Variants in ERI2 observed in about 807,000 individuals in gnomAD.
ERI2 encodes ERI1 exoribonuclease family member 2, also known as ERI1 exoribonuclease 2.
Under a neutral mutation model 46.8 loss-of-function variants are expected in ERI2, and 35 were observed. The observed-to-expected ratio is 0.75, with a 90% confidence interval of 0.57 to 0.99. ERI2 has a LOEUF of 0.99. Among genes scored for constraint, ERI2 ranks in the 50% least tolerant of loss-of-function variants. The pLI is 0.00. For missense variants in ERI2, 695 were observed against 796.2 expected (o/e 0.87, Z 1.53); for synonymous variants, 224 against 271.0 (o/e 0.83, Z 1.70).
At chr16:20,800,510 G>T in intron 5 of ERI2, 108 bp from the exon 6 acceptor site, 1 of 587,244 alleles carries the variant, frequency 1.7e-6, no homozygotes, top group Non-Finnish European at 3.0e-6. Context: ...AAATAGAACA[G>T]TATGATTTCA....
chr16:20,786,294 A>G (rs1417676173), intron 10 of ERI2: 18 of 1,402,462 alleles, frequency 1.3e-5, no homozygotes, highest in Non-Finnish European at 1.7e-5. Context: ...ATTTTTATAA[A>G]TATGTGAAAA....
chr16:20,782,613 G>A (rs2080377485), intron 10 of ERI2, among the ~76,000 whole-genome samples: 1 of 152,122 alleles, frequency 6.6e-6, no homozygotes, highest in African/African-American at 2.4e-5. Context: ...TCTCCGTGGA[G>A]GCAGCATCAT....
Position 20,806,442 on chromosome 16 carries a change from C to T in ERI2, c.-12G>A, listed in dbSNP as rs2080875564. On this transcript the variant is annotated 5_prime_UTR_variant, in exon 1 of 9. Coordinates refer to ENST00000357967, the MANE Select transcript of ERI2 (RefSeq NM_001142725.2). ...CGCTTGGTCGCCATTCCCGACACTC[C>T]TTGCTTTTCCAAGTCCAGCTGCCGG... The T allele has an allele frequency of 6.4e-7, 1 of 1,553,250 alleles. No individual in the cohort carries two copies. The highest frequency in any genetic ancestry group is 8.7e-7 in the Non-Finnish European group (1 of 1,148,122).
At chr16:20,786,296 A>C in intron 10 of ERI2, 1 of 1,400,074 alleles carries the variant, frequency 7.1e-7, no homozygotes, top group Non-Finnish European at 9.4e-7. Flanking sequence ...TTTTATAAAT[A>C]TGTGAAAATG....
intron 10 of ERI2, chr16:20,780,934 A>G (rs760814889): frequency 3.7e-6 from 6 of 1,612,254 alleles, no homozygotes; most frequent in Non-Finnish European, 2.5e-6. Flanking sequence ...TTTTATATTT[A>G]TTTTCCTATG....
intron 10 of ERI2, among the ~76,000 whole-genome samples, chr16:20,781,975 C>T (rs1216153307): frequency 6.6e-6 from 1 of 152,156 alleles, no homozygotes; most frequent in African/African-American, 2.4e-5. Flanking sequence ...AGGGCAAGAT[C>T]CCCCAAACAA....
rs145512592 is a variant in ERI2 at position 20,805,154 on chromosome 16, C to T, written c.23+1254G>A. On this transcript the variant is annotated intron_variant, in intron 1 of 8. Transcript: ENST00000357967. ...TTAAAAGGATCACTAGGCCAGGCAC[C>T]GTGGCTCACACCTGTAACCCCAGCA... Among the ~76,000 whole-genome samples, 794 of 152,086 alleles carry T rather than the reference C, an allele frequency of 5.2e-3. 4 individuals are homozygous for T. Among genetic ancestry groups the T allele is most frequent in the Non-Finnish European group, 7.5e-3 (512 of 67,970 alleles).
intron 5 of ERI2, chr16:20,800,662 G>A: frequency 3.5e-6 from 1 of 288,516 alleles, no homozygotes; most frequent in Non-Finnish European, 6.4e-6. Context: ...TAAATTACAA[G>A]GACTATATTT....
chr16:20,803,579 A>G, intron 2 of ERI2, 24 bp downstream of exon 2: 1 of 1,614,132 alleles, frequency 6.2e-7, no homozygotes, highest in Non-Finnish European at 8.5e-7. Flanking sequence ...TACAAAATGC[A>G]AAGAAACTAA....
intron 10 of ERI2, among the ~76,000 whole-genome samples, chr16:20,785,721 A>G (rs2080458311): frequency 6.6e-6 from 1 of 152,220 alleles, no homozygotes; most frequent in East Asian, 1.9e-4. Context: ...TAATGCTTCA[A>G]TTTATGAACC....
intron 1 of ERI2, chr16:20,805,682 C>T (rs965490410): frequency 3.4e-5 from 6 of 174,838 alleles, no homozygotes; most frequent in Admixed American, 1.9e-4. Context: ...AGGTCATAGC[C>T]TGTTCCTCTT....
In ERI2 at chr16:20,803,370, G is replaced by C. The variant is rs1353407687; in HGVS notation, c.175+63C>G. ...TTTTCTTAAACTTTTGGCTGATTCA[G>C]ATCTATAAACTTTAAAGTGACTCAT... is the stretch of plus-strand genomic sequence containing the variant. On this transcript the variant is annotated intron_variant, in intron 3 of 8. Transcript: ENST00000357967. 3 of 1,539,944 alleles carry C rather than the reference G, an allele frequency of 1.9e-6. No individual in the cohort carries two copies. In the African/African-American group the frequency reaches 4.1e-5, roughly 21 times the overall value.
chr16:20,786,085 T>G, intron 10 of ERI2: 1 of 1,591,450 alleles, frequency 6.3e-7, no homozygotes, highest in Non-Finnish European at 8.5e-7. Flanking sequence ...TAGGTGCTAA[T>G]CTGTGGAAAT....
chr16:20,804,591 G>A (rs34082207), intron 1 of ERI2, among the ~76,000 whole-genome samples: 52,690 of 151,904 alleles, frequency 0.35, 10,828 homozygotes, highest in Non-Finnish European at 0.47. Flanking sequence ...GCTTGAGCCC[G>A]GGAGGTGGAG....
At position 20,803,597 on chromosome 16, in the gene ERI2, A is replaced by C; in HGVS notation, c.91+6T>G. On this transcript the variant is annotated splice_donor_region_variant and intron_variant, in intron 2 of 8. Transcript: ENST00000357967. ...AAAATGCAAAGAAACTAAGCATACT[A>C]CTCACTGGATTTGCTTCTTCCGAGA... The C allele has an allele frequency of 6.2e-7, 1 of 1,614,086 alleles. No individual in the cohort carries two copies. The highest frequency in any genetic ancestry group is 1.3e-5 in the African/African-American group (1 of 75,044).
At chr16:20,782,382 A>G (rs1342085365) in intron 10 of ERI2, among the ~76,000 whole-genome samples, 1 of 152,062 alleles carries the variant, frequency 6.6e-6, no homozygotes, top group African/African-American at 2.4e-5. Flanking sequence ...ATAGTCTTTT[A>G]TCCCTCACCC....
downstream of ERI2, chr16:20,792,698 G>C: frequency 1.0e-6 from 1 of 985,412 alleles, no homozygotes; most frequent in African/African-American, 1.7e-5. Context: ...GGAAACCAAC[G>C]AGGTCCCTGG....
At chr16:20,789,495 A>G (rs1484073992) in exon 10 of ERI2, 1 of 1,613,196 alleles carries the variant, frequency 6.2e-7, no homozygotes, top group Non-Finnish European at 8.5e-7. Flanking sequence ...CAACCAGAGA[A>G]TATTCCCCTT....
chr16:20,798,062 T>A lies in ERI2; in HGVS notation c.1738A>T (p.Thr580Ser), dbSNP rs1228321398. 7.1e-6 allele frequency: 11 copies of A among 1,551,640 alleles called. No homozygotes were observed. Among genetic ancestry groups the A allele is most frequent in the Non-Finnish European group, 8.7e-6 (10 of 1,146,922 alleles). The change falls in exon 9 of 9, where the codon ACA becomes TCA. Residue 580 changes from threonine (T) to serine (S), a missense_variant. Thr to Ser is a moderately conservative substitution (Grantham distance 58). Transcript: ENST00000357967. Reference sequence around the variant, plus strand: ...TTCCATGGCTCTTGTAGGTTAACTGTAGAAGTTAATATAGATGGGAGACGC... The same window carrying A: ...TTCCATGGCTCTTGTAGGTTAACTGAAGAAGTTAATATAGATGGGAGACGC... Reference protein sequence around the residue: ...WRRLPSILTSTVNLQEPWKSG... With the variant: ...WRRLPSILTSSVNLQEPWKSG...
Sources: allele counts gnomAD v4.1 joint callset (sites outside exome capture counted in the v4.1 genomes callset), GRCh38; gene constraint gnomAD v4.1.1; transcripts MANE v1.5; gene names NCBI Gene and HGNC (gene_info 2026-07-23, HGNC 2026-07-21).